PRKCA: variants seen among roughly 807,000 people sequenced by gnomAD.
The protein encoded by PRKCA is protein kinase C alpha, also known as protein kinase C alpha type.
Under a neutral mutation model 87.0 loss-of-function variants are expected in PRKCA, and 27 were observed. That is an observed-to-expected ratio of 0.31 (90% confidence interval 0.23 to 0.43). PRKCA has a LOEUF of 0.43. Among genes scored for constraint, PRKCA ranks in the 20% least tolerant of loss-of-function variants. The pLI is 1.00. For synonymous variants in PRKCA, 329 were observed against 311.1 expected (o/e 1.06, Z -0.61); for missense variants, 518 against 852.3 (o/e 0.61, Z 4.88).
At chr17:66,515,920 T>C (rs1001335858) in intron 3 of PRKCA, among the ~76,000 whole-genome samples, 1 of 152,218 alleles carries the variant, frequency 6.6e-6, no homozygotes, top group Non-Finnish European at 1.5e-5. Flanking sequence ...GTTGGTTCTC[T>C]CTGTTTGGTA....
intron 2 of PRKCA, among the ~76,000 whole-genome samples, chr17:66,314,271 C>T (rs1434163256): frequency 6.6e-6 from 1 of 152,062 alleles, no homozygotes; most frequent in Non-Finnish European, 1.5e-5. Context: ...TCAAAATTTC[C>T]ACGGCAGACC....
chr17:66,699,029 A>G (rs1321352302), intron 8 of PRKCA, among the ~76,000 whole-genome samples: 1 of 151,472 alleles, frequency 6.6e-6, no homozygotes, highest in Non-Finnish European at 1.5e-5. Context: ...GGAGAAAGAT[A>G]TGGACAGTAG....
Position 66,805,373 on chromosome 17 carries a change from A to G in PRKCA, c.*1336A>G, listed in dbSNP as rs562278617. ...ATAAAGAGAGTATTATAATAATTTT[A>G]TAAGACACAATTGTGCTCTATTTGT... On this transcript the variant is annotated 3_prime_UTR_variant, in exon 17 of 17. Coordinates refer to ENST00000413366, the MANE Select transcript of PRKCA (RefSeq NM_002737.3). 7.0e-5 allele frequency: 11 copies of G among 156,874 alleles called. No homozygotes were observed. The South Asian group carries it at 2.0e-3, about 29-fold the overall frequency. 9.7% of individuals were successfully genotyped at this position (156,874 alleles called of 1,614,324 possible).
At chr17:66,502,760 T>G (rs1916796330) in intron 3 of PRKCA, among the ~76,000 whole-genome samples, 1 of 152,134 alleles carries the variant, frequency 6.6e-6, no homozygotes, top group South Asian at 2.1e-4. Flanking sequence ...GTTCACGCCA[T>G]TCTCCTGCCT....
intron 3 of PRKCA, among the ~76,000 whole-genome samples, chr17:66,523,986 G>T (rs1168180034): frequency 6.6e-6 from 1 of 152,190 alleles, no homozygotes; most frequent in African/African-American, 2.4e-5. Flanking sequence ...AGTGGAAAGA[G>T]CTCAGAGCTG....
At chr17:66,596,729 C>G (rs1465583325) in intron 3 of PRKCA, among the ~76,000 whole-genome samples, 2 of 86,232 alleles carry the variant, frequency 2.3e-5, no homozygotes, top group Non-Finnish European at 4.5e-5. Flanking sequence ...ATCCCTCCCC[C>G]CTCCCCCGAC....
chr17:66,351,102 C>T (rs374337674), intron 2 of PRKCA, among the ~76,000 whole-genome samples: 3 of 152,358 alleles, frequency 2.0e-5, no homozygotes, highest in East Asian at 3.9e-4. Flanking sequence ...ATAATCACCC[C>T]AGTATTCCCC....
intron 14 of PRKCA, among the ~76,000 whole-genome samples, chr17:66,785,822 G>A (rs1975370142): frequency 6.6e-6 from 1 of 152,176 alleles, no homozygotes; most frequent in African/African-American, 2.4e-5. Flanking sequence ...ACAAGTTGGA[G>A]AACTGTGTTT....
chr17:66,370,890 G>A (rs982459148), intron 2 of PRKCA, among the ~76,000 whole-genome samples: 13 of 152,118 alleles, frequency 8.5e-5, no homozygotes, highest in African/African-American at 3.1e-4. Flanking sequence ...CAAAGCTAGG[G>A]TTCAAACCCA....
intron 3 of PRKCA, among the ~76,000 whole-genome samples, chr17:66,572,014 G>T (rs926319165): frequency 2.0e-5 from 3 of 152,224 alleles, no homozygotes; most frequent in African/African-American, 7.2e-5. Context: ...TTGGGATGCT[G>T]TCTGTTCACT....
intron 3 of PRKCA, among the ~76,000 whole-genome samples, chr17:66,634,334 A>AT (rs1406926200): frequency 1.3e-5 from 2 of 152,118 alleles, no homozygotes; most frequent in East Asian, 3.9e-4. Context: ...TCTGAGCTGT[A>AT]TTTTTCCCTC....
At chr17:66,658,510 A>C (rs1971799751) in intron 5 of PRKCA, among the ~76,000 whole-genome samples, 1 of 151,902 alleles carries the variant, frequency 6.6e-6, no homozygotes, top group African/African-American at 2.4e-5. Context: ...CAACAACAAC[A>C]ACAACAACAA....
chr17:66,442,970 G>A (rs1913851205), intron 2 of PRKCA, among the ~76,000 whole-genome samples: 1 of 152,140 alleles, frequency 6.6e-6, no homozygotes, highest in African/African-American at 2.4e-5. Context: ...CTGAACACGA[G>A]GTGACTCTGG....
rs539983992 is a variant in PRKCA, at chr17:66,774,396, G to A, written c.1605+329G>A. 1.2e-4 allele frequency: 131 copies of A among 1,105,542 alleles called. 1 individual carries two copies. In the Middle Eastern group the frequency reaches 1.3e-3, roughly 11 times the overall value. 68.5% of individuals were successfully genotyped at this position (1,105,542 alleles called of 1,614,324 possible). On this transcript the variant is annotated intron_variant, in intron 14 of 16. Coordinates refer to ENST00000413366, the MANE Select transcript of PRKCA (RefSeq NM_002737.3). Reference sequence around the variant, plus strand: ...AGCACTTTCAGAAGCCAAGGCAGGCGGATCGCCTGAGGTCAGGAGTTCGAG... The same window carrying A: ...AGCACTTTCAGAAGCCAAGGCAGGCAGATCGCCTGAGGTCAGGAGTTCGAG...
At chr17:66,639,580 G>A (rs1971236722) in intron 3 of PRKCA, among the ~76,000 whole-genome samples, 1 of 152,038 alleles carries the variant, frequency 6.6e-6, no homozygotes, top group African/African-American at 2.4e-5. Context: ...TAGAGACAGG[G>A]TATCACCATG....
At chr17:66,544,269 G>T (rs1221554750) in intron 3 of PRKCA, among the ~76,000 whole-genome samples, 5 of 151,926 alleles carry the variant, frequency 3.3e-5, no homozygotes, top group Admixed American at 3.3e-4. Context: ...AGTTTAGGAA[G>T]AAGACCCCCA....
chr17:66,631,401 T>A (rs1449430568), intron 3 of PRKCA, among the ~76,000 whole-genome samples: 1 of 152,172 alleles, frequency 6.6e-6, no homozygotes, highest in African/African-American at 2.4e-5. Context: ...ATTTTAAACA[T>A]CTTATTTTTA....
At chr17:66,664,115 G>A (rs560428063) in intron 5 of PRKCA, among the ~76,000 whole-genome samples, 3 of 152,010 alleles carry the variant, frequency 2.0e-5, no homozygotes, top group Non-Finnish European at 4.4e-5. Context: ...TGATCCACCC[G>A]CCTCGGGCTC....
At chr17:66,387,909 G>T (rs1910150136) in intron 2 of PRKCA, among the ~76,000 whole-genome samples, 1 of 152,202 alleles carries the variant, frequency 6.6e-6, no homozygotes, top group Non-Finnish European at 1.5e-5. Flanking sequence ...TCTTTTCACA[G>T]TGCCCAGGCT....
Sources: gnomAD v4.1 joint callset for allele counts (sites outside exome capture counted in the v4.1 genomes callset) on GRCh38, gnomAD v4.1.1 for gene constraint, MANE v1.5 for transcripts, NCBI Gene and HGNC (gene_info 2026-07-23, HGNC 2026-07-21) for gene names.